The following AGBL1 variants were observed in gnomAD, a reference collection of about 807,000 sequenced individuals.
The protein encoded by AGBL1 is AGBL carboxypeptidase 1.
Under a neutral mutation model 118.9 loss-of-function variants are expected in AGBL1, and 130 were observed. The ratio of observed to expected loss-of-function variants is 1.09; its 90% CI spans 0.95 to 1.26. The LOEUF (loss-of-function observed/expected upper bound fraction) is 1.26. AGBL1 is among the 50% of genes most tolerant of loss of function. The pLI is 0.00. For missense variants in AGBL1, 1,584 were observed against 1,298.1 expected (o/e 1.22, Z -3.38); for synonymous variants, 555 against 478.9 (o/e 1.16, Z -2.08).
chr15:86,716,380 T>C (rs2086639083), intron 22 of AGBL1, among the ~76,000 whole-genome samples: 1 of 152,060 alleles, frequency 6.6e-6, no homozygotes, highest in African/African-American at 2.4e-5. Context: ...TAGTTGATGA[T>C]GTGTATTTTA....
intron 17 of AGBL1, among the ~76,000 whole-genome samples, chr15:86,380,320 T>C (rs1396916548): frequency 6.7e-6 from 1 of 149,612 alleles, no homozygotes; most frequent in East Asian, 2.0e-4. Context: ...AGTCCCACTG[T>C]GTCGCCCAGG....
At chr15:86,605,545 G>A (rs2084563440) in intron 21 of AGBL1, among the ~76,000 whole-genome samples, 1 of 152,086 alleles carries the variant, frequency 6.6e-6, no homozygotes, top group South Asian at 2.1e-4. Flanking sequence ...GAAGCCAGTT[G>A]GGCTGTGTAT....
At chr15:86,599,751 G>C (rs2084465857) in intron 21 of AGBL1, among the ~76,000 whole-genome samples, 1 of 151,994 alleles carries the variant, frequency 6.6e-6, no homozygotes, top group Admixed American at 6.6e-5. Flanking sequence ...ATTCCCATTT[G>C]GATAATCATC....
At chr15:86,090,788 T>G (rs1895970027) in intron 1 of AGBL1, among the ~76,000 whole-genome samples, 1 of 152,206 alleles carries the variant, frequency 6.6e-6, no homozygotes, top group Non-Finnish European at 1.5e-5. Flanking sequence ...ACTCTTATAC[T>G]TAATGATGTT....
At chr15:86,966,009 CATA>C (rs1410910605) in intron 23 of AGBL1, among the ~76,000 whole-genome samples, 1 of 151,702 alleles carries the variant, frequency 6.6e-6, no homozygotes, top group Non-Finnish European at 1.5e-5. Context: ...TCATCATCAT[CATA>C]ATAATAATAA....
intron 17 of AGBL1, among the ~76,000 whole-genome samples, chr15:86,361,633 TG>T (rs1227364138): frequency 2.6e-5 from 4 of 152,106 alleles, no homozygotes; most frequent in African/African-American, 7.2e-5. Context: ...TCTTTGATGT[TG>T]GGGGCATATG....
chr15:86,416,139 C>A (rs2081691205), intron 18 of AGBL1, among the ~76,000 whole-genome samples: 1 of 152,046 alleles, frequency 6.6e-6, no homozygotes, highest in Non-Finnish European at 1.5e-5. Flanking sequence ...AACAAACCAA[C>A]AAACAAAATT....
At chr15:86,799,117 G>T (rs1307297831) in intron 22 of AGBL1, among the ~76,000 whole-genome samples, 1 of 151,064 alleles carries the variant, frequency 6.6e-6, no homozygotes, top group Admixed American at 6.6e-5. Context: ...AGTTCTCTCT[G>T]GTTCCTTTTG....
At chr15:86,676,920 G>T (rs1224460374) in intron 22 of AGBL1, among the ~76,000 whole-genome samples, 1 of 152,088 alleles carries the variant, frequency 6.6e-6, no homozygotes, top group East Asian at 1.9e-4. Flanking sequence ...GACCAACATG[G>T]TAAAACCCCG....
intron 22 of AGBL1, among the ~76,000 whole-genome samples, chr15:86,682,083 A>G (rs541085727): frequency 3.3e-5 from 5 of 152,264 alleles, no homozygotes; most frequent in South Asian, 2.1e-4. Context: ...TCTTAATTCT[A>G]TTCAGATTTT....
chr15:86,525,343 A>G (rs142805044), intron 19 of AGBL1, among the ~76,000 whole-genome samples: 1 of 152,334 alleles, frequency 6.6e-6, no homozygotes, highest in African/African-American at 2.4e-5. Context: ...TACAGATTTA[A>G]TGCAATTCCT....
At chr15:86,168,819 T>C (rs990716067) in intron 5 of AGBL1, among the ~76,000 whole-genome samples, 2 of 152,252 alleles carry the variant, frequency 1.3e-5, no homozygotes, top group African/African-American at 4.8e-5. Context: ...CTTTGATTTC[T>C]GAGATTGTTG....
intron 22 of AGBL1, among the ~76,000 whole-genome samples, chr15:86,693,414 C>T (rs2086205834): frequency 6.6e-6 from 1 of 151,978 alleles, no homozygotes. Flanking sequence ...TGAGAAATGT[C>T]TATTCATATC....
At chr15:86,709,205 C>T (rs983236379) in intron 22 of AGBL1, among the ~76,000 whole-genome samples, 5 of 152,140 alleles carry the variant, frequency 3.3e-5, no homozygotes, top group Non-Finnish European at 7.4e-5. Context: ...TCAATCCAGG[C>T]ACTTGTATAA....
At chr15:86,192,691 T>C (rs1357910948) in intron 5 of AGBL1, among the ~76,000 whole-genome samples, 1 of 152,194 alleles carries the variant, frequency 6.6e-6, no homozygotes, top group Non-Finnish European at 1.5e-5. Flanking sequence ...AACTTAAAAA[T>C]TGAACCATAG....
intron 16 of AGBL1, among the ~76,000 whole-genome samples, chr15:86,285,825 C>T (rs1180138513): frequency 2.0e-5 from 3 of 152,186 alleles, no homozygotes; most frequent in Non-Finnish European, 4.4e-5. Context: ...CCAACATTTG[C>T]TGCTTGGGAG....
At chr15:87,019,010 A>G (rs140341400) in intron 24 of AGBL1, among the ~76,000 whole-genome samples, 1 of 129,234 alleles carries the variant, frequency 7.7e-6, no homozygotes, top group Non-Finnish European at 1.5e-5. Context: ...CAACAAAGAT[A>G]AAAAAAAAGA....
At chr15:86,192,314 T>C (rs2077736394) in intron 5 of AGBL1, among the ~76,000 whole-genome samples, 1 of 150,028 alleles carries the variant, frequency 6.7e-6, no homozygotes, top group African/African-American at 2.4e-5. Flanking sequence ...TTTTATTATA[T>C]ATTTATATAA....
intron 21 of AGBL1, among the ~76,000 whole-genome samples, chr15:86,649,729 A>G (rs1262005388): frequency 2.0e-5 from 3 of 151,096 alleles, no homozygotes; most frequent in Admixed American, 6.6e-5. Context: ...CATAAAAACA[A>G]TTATTCTGGA....
Sources: gnomAD v4.1 joint callset for allele counts (sites outside exome capture counted in the v4.1 genomes callset) on GRCh38, gnomAD v4.1.1 for gene constraint, MANE v1.5 for transcripts, NCBI Gene and HGNC (gene_info 2026-07-23, HGNC 2026-07-21) for gene names.